RORA: variants seen among roughly 807,000 people sequenced by gnomAD.
The protein encoded by RORA is RAR related orphan receptor A.
RORA carries 7 observed loss-of-function variants against 69.5 expected under a neutral mutation model. The ratio of observed to expected loss-of-function variants is 0.10; its 90% CI spans 0.06 to 0.19. The LOEUF (loss-of-function observed/expected upper bound fraction) is 0.19. RORA is among the 10% of genes least tolerant of loss of function. The pLI is 1.00. For missense variants in RORA, 457 were observed against 663.0 expected, an observed-to-expected ratio of 0.69 and a Z score of 3.41; for synonymous variants, 261 against 240.8, an observed-to-expected ratio of 1.08 and a Z score of -0.78.
chr15:61,189,760 G>C lies in RORA; in HGVS notation c.166+39293C>G, dbSNP rs554385349. ...TTGTCCCAGCTGCTCAGGAGGCTGA[G>C]GCAGGAGAATGGCATGAACCCAGGA... On this transcript the variant is annotated intron_variant, in intron 1 of 10. Coordinates refer to ENST00000335670, the MANE Select transcript of RORA (RefSeq NM_134261.3). Among the ~76,000 whole-genome samples, 263 of 145,928 alleles carry C rather than the reference G, an allele frequency of 1.8e-3. 2 individuals carry two copies. The highest frequency in any genetic ancestry group is 6.3e-3 in the African/African-American group (254 of 40,012).
At chr15:61,063,718 T>A (rs543425792) in intron 1 of RORA, among the ~76,000 whole-genome samples, 5 of 152,318 alleles carry the variant, frequency 3.3e-5, no homozygotes, top group African/African-American at 1.2e-4. Flanking sequence ...GTATTTAGAG[T>A]GCTTCCTGGC....
chr15:60,551,965 C>G (rs12439380), intron 2 of RORA, among the ~76,000 whole-genome samples: 25,076 of 152,118 alleles, frequency 0.16, 2,230 homozygotes, highest in South Asian at 0.29. Flanking sequence ...AAGAGTGAGC[C>G]GAGGCTCTTT....
At chr15:60,857,864 G>A (rs2073397215) in intron 1 of RORA, among the ~76,000 whole-genome samples, 1 of 152,240 alleles carries the variant, frequency 6.6e-6, no homozygotes, top group Admixed American at 6.5e-5. Context: ...ACAGATCACA[G>A]CCAGCCACCT....
At chr15:60,672,601 C>A (rs2070490970) in intron 2 of RORA, among the ~76,000 whole-genome samples, 1 of 152,214 alleles carries the variant, frequency 6.6e-6, no homozygotes, top group South Asian at 2.1e-4. Flanking sequence ...AGGGGGCAAT[C>A]TACTCTGTTT....
intron 1 of RORA, among the ~76,000 whole-genome samples, chr15:60,857,914 C>T (rs73430018): frequency 0.29 from 44,612 of 152,064 alleles, 6,842 homozygotes; most frequent in African/African-American, 0.33. Flanking sequence ...GAGAGGTGAA[C>T]TGAAGGGCTG....
At chr15:61,145,946 A>C (rs528121929) in intron 1 of RORA, among the ~76,000 whole-genome samples, 1 of 152,204 alleles carries the variant, frequency 6.6e-6, no homozygotes, top group Non-Finnish European at 1.5e-5. Flanking sequence ...TAGGGAGACA[A>C]AGTGAAGGAT....
intron 1 of RORA, among the ~76,000 whole-genome samples, chr15:61,127,470 A>G (rs2079153468): frequency 6.6e-6 from 1 of 152,200 alleles, no homozygotes; most frequent in Admixed American, 6.5e-5. Context: ...TTCAAACTGT[A>G]CGTTATATCT....
At chr15:60,946,589 G>C (rs1171436075) in intron 1 of RORA, among the ~76,000 whole-genome samples, 2 of 152,212 alleles carry the variant, frequency 1.3e-5, no homozygotes, top group African/African-American at 4.8e-5. Context: ...GCCCAGGCTG[G>C]AGTGCAGTGG....
intron 1 of RORA, among the ~76,000 whole-genome samples, chr15:60,828,125 C>T (rs1241617443): frequency 2.0e-5 from 3 of 152,230 alleles, no homozygotes; most frequent in Non-Finnish European, 4.4e-5. Flanking sequence ...AGGCAGGAGG[C>T]GGGCAGGGAG....
chr15:60,560,602 G>A (rs1595976019), intron 2 of RORA, among the ~76,000 whole-genome samples: 3 of 152,354 alleles, frequency 2.0e-5, no homozygotes, highest in Admixed American at 2.0e-4. Flanking sequence ...GTCGGGGAGA[G>A]GGGCCTGAGG....
chr15:60,929,687 A>T (rs1309465493), intron 1 of RORA, among the ~76,000 whole-genome samples: 1 of 152,204 alleles, frequency 6.6e-6, no homozygotes, highest in African/African-American at 2.4e-5. Context: ...TATGCCCAGA[A>T]TCGCCATATC....
chr15:61,029,046 G>A (rs1412162811), intron 1 of RORA, among the ~76,000 whole-genome samples: 1 of 151,918 alleles, frequency 6.6e-6, no homozygotes, highest in Non-Finnish European at 1.5e-5. Context: ...TAGTACTGAT[G>A]GTCTGAAGTA....
chr15:61,092,868 AGCTG>A (rs1158556164), intron 1 of RORA, among the ~76,000 whole-genome samples: 1 of 152,224 alleles, frequency 6.6e-6, no homozygotes, highest in Non-Finnish European at 1.5e-5. Context: ...AGGGAATTCA[AGCTG>A]GAGATTTAGG....
chr15:60,502,783 C>T lies in RORA; in HGVS notation c.1160G>A (p.Ser387Asn). The T allele has an allele frequency of 1.2e-6, 2 of 1,613,238 alleles. No individual in the cohort carries two copies. The highest frequency in any genetic ancestry group is 2.2e-5 in the East Asian group (1 of 44,882). ...ACCTAAGGATTTGAAGACGTCGGGG[C>T]TGGCATACTTCCCATCAAAGTACAC... ...NTVYFDGKYA[S>N]PDVFKSLGCE... Residue 387 changes from serine to asparagine, a missense_variant, in exon 8 of 11, where the codon AGC (serine) becomes AAC (asparagine). Physicochemically the swap from Ser to Asn is conservative, Grantham distance 46. This residue lies in a region of RORA where 304 missense variants were observed against 447.4 expected (regional missense o/e 0.68). Transcript: ENST00000335670.
intron 1 of RORA, among the ~76,000 whole-genome samples, chr15:61,118,834 C>A (rs1335331557): frequency 1.3e-5 from 2 of 151,740 alleles, no homozygotes; most frequent in Non-Finnish European, 2.9e-5. Context: ...TTTTTTGAAA[C>A]GAGTATTTTC....
At chr15:60,565,904 C>T (rs1306836397) in intron 2 of RORA, among the ~76,000 whole-genome samples, 2 of 152,186 alleles carry the variant, frequency 1.3e-5, no homozygotes, top group African/African-American at 2.4e-5. Flanking sequence ...CTGGCTTGAA[C>T]AGAAGTGAAT....
chr15:61,065,144 C>A lies in RORA; in HGVS notation c.166+163909G>T, dbSNP rs557028819. 4.6e-5 allele frequency among the ~76,000 whole-genome samples: 7 copies of A among 152,362 alleles called. No individual in the cohort carries two copies. In the South Asian group the frequency reaches 1.4e-3, roughly 32 times the overall value. ...CTTCCTTAAAGGTAACCCCTCCCCACAGAATCTGTTTAAGATTTTCCTCCT... is the reference window on the plus strand; with the variant it reads ...CTTCCTTAAAGGTAACCCCTCCCCAAAGAATCTGTTTAAGATTTTCCTCCT... On this transcript the variant is annotated intron_variant, in intron 1 of 10. Coordinates refer to ENST00000335670, the MANE Select transcript of RORA (RefSeq NM_134261.3).
chr15:61,189,286 T>C (rs1048808957), intron 1 of RORA, among the ~76,000 whole-genome samples: 3 of 152,218 alleles, frequency 2.0e-5, no homozygotes, highest in African/African-American at 7.2e-5. Context: ...TTAAGGTTAA[T>C]GGTAAAATAA....
Position 60,534,031 on chromosome 15 carries a change from C to T in RORA, c.197-2180G>A, listed in dbSNP as rs2066606225. On this transcript the variant is annotated intron_variant, in intron 2 of 10. Transcript: ENST00000335670. This position sits in a 1 kb window ranked among gnomAD's most constrained non-coding sequence, Gnocchi z 5.0. Reference sequence around the variant, plus strand: ...TTAGTCCTTTACAAGAATATGAAGGCCCTGGGCAGGGCATATTGAGAACAA... The same window carrying T: ...TTAGTCCTTTACAAGAATATGAAGGTCCTGGGCAGGGCATATTGAGAACAA... Among the ~76,000 whole-genome samples the T allele has an allele frequency of 6.6e-6, 1 of 152,178 alleles. No homozygotes were observed. The highest frequency in any genetic ancestry group is 1.5e-5 in the Non-Finnish European group (1 of 68,030).
Sources: gnomAD v4.1 joint callset for allele counts (sites outside exome capture counted in the v4.1 genomes callset) on GRCh38, gnomAD v4.1.1 for gene constraint, gnomAD v4.1.1 regional missense constraint, Gnocchi (gnomAD v3.1) non-coding constraint, MANE v1.5 for transcripts, NCBI Gene and HGNC (gene_info 2026-07-23, HGNC 2026-07-21) for gene names.